Variants in NEGR1 observed in about 807,000 individuals in gnomAD.
NEGR1 encodes IgLON family member 4.
A neutral mutation model predicts 40.9 loss-of-function variants in NEGR1; 10 were observed. That is an observed-to-expected ratio of 0.24 (90% CI 0.15 to 0.42). The LOEUF is 0.42. NEGR1 is among the 10% of genes least tolerant of loss of function. The pLI, the probability that NEGR1 is intolerant of heterozygous loss-of-function variation, is 1.00. For synonymous variants in NEGR1, 185 were observed against 166.8 expected (o/e 1.11, Z -0.84); for missense variants, 352 against 438.9 (o/e 0.80, Z 1.77).
At chr1:71,826,675 C>T (rs1203084405) in intron 2 of NEGR1, among the ~76,000 whole-genome samples, 1 of 151,740 alleles carries the variant, frequency 6.6e-6, no homozygotes. Flanking sequence ...TGGTTTGAAC[C>T]TCACAACAAA....
intron 2 of NEGR1, among the ~76,000 whole-genome samples, chr1:71,841,659 C>T (rs1362183265): frequency 6.6e-6 from 1 of 152,106 alleles, no homozygotes; most frequent in Non-Finnish European, 1.5e-5. Flanking sequence ...AGTTCCTCAT[C>T]TTCAGAATAA....
chr1:71,550,587 A>G (rs1457199891), intron 6 of NEGR1, among the ~76,000 whole-genome samples: 1 of 151,398 alleles, frequency 6.6e-6, no homozygotes, highest in African/African-American at 2.4e-5. Flanking sequence ...TAGGCCCACA[A>G]ATTCATACTT....
At chr1:71,675,897 G>T (rs1306595527) in intron 4 of NEGR1, among the ~76,000 whole-genome samples, 1 of 151,960 alleles carries the variant, frequency 6.6e-6, no homozygotes, top group Middle Eastern at 3.2e-3. Flanking sequence ...TGACCTCCTG[G>T]TCTAAAGTAT....
chr1:71,712,990 T>C (rs1409362390), intron 3 of NEGR1, among the ~76,000 whole-genome samples: 1 of 152,220 alleles, frequency 6.6e-6, no homozygotes, highest in African/African-American at 2.4e-5. Flanking sequence ...GTGAGTCAGT[T>C]AAACATGTTT....
intron 1 of NEGR1, among the ~76,000 whole-genome samples, chr1:71,958,418 T>C (rs576157735): frequency 1.7e-4 from 26 of 152,224 alleles, no homozygotes; most frequent in African/African-American, 5.8e-4. Flanking sequence ...CATAAAGGAA[T>C]CCAGATAAAA....
At chr1:71,707,414 C>G (rs1653937347) in intron 3 of NEGR1, among the ~76,000 whole-genome samples, 1 of 152,120 alleles carries the variant, frequency 6.6e-6, no homozygotes, top group African/African-American at 2.4e-5. Flanking sequence ...GCTCCTCTGC[C>G]TTTGGAAAGG....
At chr1:71,595,090 C>G (rs928918153) in intron 5 of NEGR1, among the ~76,000 whole-genome samples, 9 of 152,162 alleles carry the variant, frequency 5.9e-5, no homozygotes, top group African/African-American at 1.9e-4. Context: ...TTCCAGTTCC[C>G]TGCCCTTAAA....
chr1:72,179,412 T>C (rs1286615084), intron 1 of NEGR1, among the ~76,000 whole-genome samples: 2 of 152,200 alleles, frequency 1.3e-5, no homozygotes, highest in East Asian at 3.9e-4. Context: ...ATTGAGATTC[T>C]GCAGTTATTT....
intron 3 of NEGR1, among the ~76,000 whole-genome samples, chr1:71,730,355 G>A (rs1337722993): frequency 2.6e-5 from 4 of 151,732 alleles, no homozygotes; most frequent in Non-Finnish European, 4.4e-5. Flanking sequence ...CATGTCTAAC[G>A]TGCAATTCAT....
At chr1:71,510,474 C>T (rs1647065223) in intron 6 of NEGR1, among the ~76,000 whole-genome samples, 1 of 152,138 alleles carries the variant, frequency 6.6e-6, no homozygotes, top group African/African-American at 2.4e-5. Flanking sequence ...TGCCAGCCGG[C>T]CTACAAATGT....
chr1:71,427,873 A>G (rs1398072618), intron 6 of NEGR1, among the ~76,000 whole-genome samples: 1 of 152,200 alleles, frequency 6.6e-6, no homozygotes, highest in Non-Finnish European at 1.5e-5. Flanking sequence ...TGCTGAACTT[A>G]CATATGCTAT....
At chr1:71,829,486 G>T (rs1056282554) in intron 2 of NEGR1, among the ~76,000 whole-genome samples, 1 of 151,794 alleles carries the variant, frequency 6.6e-6, no homozygotes, top group African/African-American at 2.4e-5. Context: ...GCTGCCTACA[G>T]CTCTGCAATA....
At chr1:72,016,943 C>T (rs1328709780) in intron 1 of NEGR1, among the ~76,000 whole-genome samples, 1 of 152,094 alleles carries the variant, frequency 6.6e-6, no homozygotes, top group African/African-American at 2.4e-5. Flanking sequence ...TGATTTTATA[C>T]ATTTGAATTT....
intron 1 of NEGR1, among the ~76,000 whole-genome samples, chr1:71,982,297 TAA>T (rs770200028): frequency 2.0e-5 from 3 of 152,174 alleles, no homozygotes; most frequent in Non-Finnish European, 2.9e-5. Flanking sequence ...TTCTTCTAAG[TAA>T]CTTTCAGCAT....
intron 1 of NEGR1, among the ~76,000 whole-genome samples, chr1:72,037,705 A>T (rs1239689220): frequency 1.3e-4 from 20 of 152,140 alleles, no homozygotes; most frequent in Admixed American, 1.3e-3. Context: ...ACAAGTTTTG[A>T]CTTAATCTGG....
At position 71,898,881 on chromosome 1, in the gene NEGR1, AAT is replaced by A. The variant is rs541679065; in HGVS notation, c.409+36196_409+36197del. ...ATATATTGCAAATATATATATTGCA[AAT>A]ATATATATATTGCAAATATATATAT... is the stretch of plus-strand genomic sequence containing the variant. On this transcript the variant is annotated intron_variant, in intron 2 of 6. Transcript: ENST00000357731. 8.4e-3 allele frequency among the ~76,000 whole-genome samples: 630 copies of A among 74,730 alleles called. 11 individuals carry two copies. In the East Asian group the frequency reaches 0.16, roughly 19 times the overall value. The allele number at this position is 74,730 out of a possible 152,430, so 49.0% of individuals were successfully genotyped here.
chr1:71,699,506 G>A (rs1310599009), intron 3 of NEGR1, among the ~76,000 whole-genome samples: 2 of 151,694 alleles, frequency 1.3e-5, no homozygotes, highest in Non-Finnish European at 2.9e-5. Flanking sequence ...TTATAACGAA[G>A]ATACTCTAGG....
intron 3 of NEGR1, among the ~76,000 whole-genome samples, chr1:71,737,765 A>G (rs1470202615): frequency 6.6e-6 from 1 of 152,154 alleles, no homozygotes; most frequent in East Asian, 1.9e-4. Context: ...AAAGATAGCT[A>G]ATTTCCTTAC....
chr1:72,080,395 G>T (rs1177454161), intron 1 of NEGR1, among the ~76,000 whole-genome samples: 1 of 151,706 alleles, frequency 6.6e-6, no homozygotes, highest in Non-Finnish European at 1.5e-5. Context: ...TGATTTTTAT[G>T]TTCTTGGACA....
Sources: gnomAD v4.1 joint callset for allele counts (sites outside exome capture counted in the v4.1 genomes callset) on GRCh38, gnomAD v4.1.1 for gene constraint, MANE v1.5 for transcripts, NCBI Gene and HGNC (gene_info 2026-07-23, HGNC 2026-07-21) for gene names.